NCKAP5: variants seen among roughly 807,000 people sequenced by gnomAD.
NCKAP5 encodes the protein NCK associated protein 5.
In NCKAP5, 92 loss-of-function variants were observed where a neutral mutation model predicts 167.0. The observed-to-expected ratio is 0.55, with a 90% CI of 0.47 to 0.66. The LOEUF is 0.66. NCKAP5 is among the 30% of genes least tolerant of loss of function. The pLI, the probability that NCKAP5 is intolerant of heterozygous loss-of-function variation, is 0.00. For missense variants in NCKAP5, 2,378 were observed against 2,315.0 expected (o/e 1.03, Z -0.56); for synonymous variants, 891 against 877.4 (o/e 1.02, Z -0.27).
At chr2:133,528,057 T>C (rs1167021029) in intron 2 of NCKAP5, among the ~76,000 whole-genome samples, 1 of 152,094 alleles carries the variant, frequency 6.6e-6, no homozygotes, top group African/African-American at 2.4e-5. Context: ...AGTAAGTCCC[T>C]GTCTCAAAAA....
chr2:133,557,645 A>G (rs980624841), intron 2 of NCKAP5, among the ~76,000 whole-genome samples: 1 of 152,238 alleles, frequency 6.6e-6, no homozygotes, highest in African/African-American at 2.4e-5. Context: ...AAACTATTTA[A>G]TCAAAGGAGA....
At chr2:133,123,768 G>A (rs1415294948) in intron 6 of NCKAP5, 1 of 471,140 alleles carries the variant, frequency 2.1e-6, no homozygotes, top group Admixed American at 2.3e-5. Flanking sequence ...TCAATTGACA[G>A]CTTTTCTCAT....
At chr2:133,520,867 GGGCT>G (rs1684417168) in intron 2 of NCKAP5, among the ~76,000 whole-genome samples, 1 of 152,154 alleles carries the variant, frequency 6.6e-6, no homozygotes, top group Admixed American at 6.5e-5. Flanking sequence ...AGTCCAATCA[GGGCT>G]GACAATGGCA....
chr2:133,591,453 C>T, the NCKAP5 span, among the ~76,000 whole-genome samples: 4 of 152,198 alleles, frequency 2.6e-5, no homozygotes, highest in Admixed American at 2.6e-4. Context: ...CACAGACCCA[C>T]GTGTTTCCAG....
chr2:133,181,009 C>T (rs2084708346), intron 5 of NCKAP5, among the ~76,000 whole-genome samples: 1 of 151,914 alleles, frequency 6.6e-6, no homozygotes, highest in South Asian at 2.1e-4. Context: ...TACACATACA[C>T]ACTCAAGAAG....
chr2:133,203,837 T>C (rs1163944055), intron 5 of NCKAP5, among the ~76,000 whole-genome samples: 2 of 152,320 alleles, frequency 1.3e-5, no homozygotes, highest in East Asian at 1.9e-4. Context: ...TTTTGAAAGA[T>C]AGTTTAAAGT....
At chr2:133,126,928 A>C (rs1263454655) in intron 6 of NCKAP5, among the ~76,000 whole-genome samples, 2 of 152,180 alleles carry the variant, frequency 1.3e-5, no homozygotes, top group African/African-American at 4.8e-5. Context: ...ATTGTAAGCC[A>C]TACCACATTC....
intron 5 of NCKAP5, among the ~76,000 whole-genome samples, chr2:133,163,076 C>T (rs1233043786): frequency 6.6e-6 from 1 of 152,006 alleles, no homozygotes; most frequent in Non-Finnish European, 1.5e-5. Flanking sequence ...TACCTTTATA[C>T]ATTTAAAAAG....
chr2:133,051,900 G>A (rs1217084611), intron 6 of NCKAP5, among the ~76,000 whole-genome samples: 1 of 152,162 alleles, frequency 6.6e-6, no homozygotes, highest in East Asian at 1.9e-4. Context: ...ATTTGTAGAT[G>A]AGAGAAGTGA....
rs375776001 is a variant in NCKAP5 at position 132,782,049 on chromosome 2, G to A, written c.4762C>T (p.Arg1588Trp). Residue 1588 changes from arginine to tryptophan, a missense_variant, in exon 14 of 20, where the codon CGG (arginine) becomes TGG (tryptophan). By Grantham distance (101) the Arg-to-Trp change is moderately radical. Transcript: ENST00000409261. Reference protein sequence around the residue: ...PDGGLQSKNNRRTPQDIYNQL... With the variant: ...PDGGLQSKNNWRTPQDIYNQL... ...TTGTAAATGTCTTGTGGTGTTCTCC[G>A]ATTATTTTTGCTTTGTAAACCGCCA... 19 of 1,613,862 alleles carry A rather than the reference G, an allele frequency of 1.2e-5. No individual in the cohort carries two copies. The African/African-American group carries it at 1.7e-4, about 15-fold the overall frequency.
At chr2:133,440,899 G>T (rs1262123093) in intron 3 of NCKAP5, among the ~76,000 whole-genome samples, 2 of 151,942 alleles carry the variant, frequency 1.3e-5, no homozygotes, top group South Asian at 2.1e-4. Flanking sequence ...CACAGACAAA[G>T]ATTTAGCTTC....
intron 19 of NCKAP5, among the ~76,000 whole-genome samples, chr2:132,701,480 A>C (rs1216573378): frequency 1.3e-5 from 2 of 152,208 alleles, no homozygotes; most frequent in Non-Finnish European, 2.9e-5. Context: ...AATTAATTGC[A>C]AAACCAAATA....
At chr2:133,604,028 G>T in the NCKAP5 span, among the ~76,000 whole-genome samples, 433 of 152,302 alleles carry the variant, frequency 2.8e-3, 3 homozygotes, top group African/African-American at 9.7e-3. Context: ...AGCTATTAAA[G>T]ACCACAGGGA....
Position 132,871,748 on chromosome 2 carries a change from T to C in NCKAP5, c.649-2774A>G, listed in dbSNP as rs72850136. Reference sequence around the variant, plus strand: ...AAAGATACACGAATGCCTTATTTCTTTACCTACTGACATGAGGTTATATTA... The same window carrying C: ...AAAGATACACGAATGCCTTATTTCTCTACCTACTGACATGAGGTTATATTA... On this transcript the variant is annotated intron_variant, in intron 9 of 19. Coordinates refer to ENST00000409261, the MANE Select transcript of NCKAP5 (RefSeq NM_207363.3). 4.7e-3 allele frequency among the ~76,000 whole-genome samples: 721 copies of C among 152,306 alleles called. 1 individual carries two copies. The highest frequency in any genetic ancestry group is 8.0e-3 in the Non-Finnish European group (544 of 68,036).
At chr2:133,589,162 C>G in the NCKAP5 span, among the ~76,000 whole-genome samples, 1 of 152,164 alleles carries the variant, frequency 6.6e-6, no homozygotes, top group Admixed American at 6.5e-5. Flanking sequence ...CACAGGACAA[C>G]AGATAGGACA....
rs543557336 is a variant in NCKAP5, at chr2:133,318,915, T to A, written c.70-15805A>T. ...CAATTAAGATCTAATGCAACGGTTCTCCCACTATGGACACAGACCAGCATT... is the reference window on the plus strand; with the variant it reads ...CAATTAAGATCTAATGCAACGGTTCACCCACTATGGACACAGACCAGCATT... On this transcript the variant is annotated intron_variant, in intron 3 of 19. Coordinates refer to ENST00000409261, the MANE Select transcript of NCKAP5 (RefSeq NM_207363.3). 1.8e-3 allele frequency among the ~76,000 whole-genome samples: 274 copies of A among 152,240 alleles called. 1 individual carries two copies. The highest frequency in any genetic ancestry group is 3.1e-3 in the Non-Finnish European group (210 of 68,026).
intron 5 of NCKAP5, among the ~76,000 whole-genome samples, chr2:133,143,118 A>T (rs1381194517): frequency 6.6e-6 from 1 of 151,976 alleles, no homozygotes. Context: ...CAGGCCTTGA[A>T]TGTTATGTAC....
chr2:132,702,716 A>G (rs1465342404), intron 19 of NCKAP5, among the ~76,000 whole-genome samples: 3 of 151,954 alleles, frequency 2.0e-5, no homozygotes, highest in Non-Finnish European at 4.4e-5. Context: ...ATCACTCCCA[A>G]TCAAACTATC....
At chr2:133,505,783 A>G (rs1575074765) in intron 3 of NCKAP5, among the ~76,000 whole-genome samples, 1 of 152,214 alleles carries the variant, frequency 6.6e-6, no homozygotes, top group East Asian at 1.9e-4. Flanking sequence ...TGCTTTGCAC[A>G]CAGCAAGTTC....
Sources: allele counts gnomAD v4.1 joint callset (sites outside exome capture counted in the v4.1 genomes callset), GRCh38; gene constraint gnomAD v4.1.1; transcripts MANE v1.5; gene names NCBI Gene and HGNC (gene_info 2026-07-23, HGNC 2026-07-21).